The following NRDE2 variants were observed in gnomAD, a reference collection of about 807,000 sequenced individuals.
NRDE2 encodes the protein NRDE-2, necessary for RNA interference, domain containing.
NRDE2 carries 76 observed loss-of-function variants against 124.2 expected under a neutral mutation model. The ratio of observed to expected loss-of-function variants is 0.61; its 90% CI spans 0.51 to 0.74. The LOEUF is 0.74. Among genes scored for constraint, NRDE2 ranks in the 30% least tolerant of loss-of-function variants. The probability of loss-of-function intolerance (pLI) is 0.00; values close to 1 mark genes in which losing one functional copy is unlikely to be tolerated. For missense variants in NRDE2, 1,314 were observed against 1,417.3 expected, an observed-to-expected ratio of 0.93 and a Z score of 1.17; for synonymous variants, 489 against 528.1, an observed-to-expected ratio of 0.93 and a Z score of 1.01.
chr14:90,274,431 G>GAGTT lies in NRDE2; in HGVS notation c.*3901_*3904dup, dbSNP rs1331528990. ...ACAGTGGGAGCCAGGTTTCTCTGAGGAGTTAGACACAGAAAGAAGAAAACA... is the reference window on the plus strand; with the variant it reads ...ACAGTGGGAGCCAGGTTTCTCTGAGGAGTTAGTTAGACACAGAAAGAAGAAAACA... On this transcript the variant is annotated 3_prime_UTR_variant, in exon 14 of 14. Transcript: ENST00000354366. 5 of 153,668 alleles carry GAGTT rather than the reference G, an allele frequency of 3.3e-5. No homozygotes were observed. Among genetic ancestry groups the GAGTT allele is most frequent in the South Asian group, 4.1e-4 (2 of 4,852 alleles). 9.5% of individuals were successfully genotyped at this position (153,668 alleles called of 1,614,324 possible).
In NRDE2 at chr14:90,290,463, C is replaced by G. The variant is rs766972857; in HGVS notation, c.1987G>C (p.Glu663Gln). Residue 663 changes from glutamate to glutamine, a missense_variant, in exon 10 of 14, where the codon GAG becomes CAG. Glu to Gln is a conservative substitution (Grantham distance 29). Transcript: ENST00000354366. ...AGTCCATTATCAAAGATGCTGTTCT[C>G]ATCCATGGCCAGATAAAGACAGGAG... ...PASCLYLAMD[E>Q]NSIFDNGLYD... is the part of the protein sequence containing the mutation. 6.2e-7 allele frequency: 1 copy of G among 1,614,070 alleles called. No individual in the cohort carries two copies. The highest frequency in any genetic ancestry group is 1.7e-5 in the Admixed American group (1 of 60,024).
intron 9 of NRDE2, 66 bp downstream of exon 9, chr14:90,292,631 G>T: frequency 1.3e-6 from 2 of 1,540,680 alleles, no homozygotes; most frequent in Admixed American, 1.8e-5. Flanking sequence ...TAACCAAAGC[G>T]CATGGGAATG....
At chr14:90,284,990 G>A (rs915697885) in intron 12 of NRDE2, among the ~76,000 whole-genome samples, 1 of 151,910 alleles carries the variant, frequency 6.6e-6, no homozygotes, top group East Asian at 2.0e-4. Context: ...TAGAAATGTC[G>A]ATTTTAGGCC....
intron 1 of NRDE2, among the ~76,000 whole-genome samples, chr14:90,326,255 G>A (rs1245390814): frequency 6.6e-6 from 1 of 152,106 alleles, no homozygotes; most frequent in East Asian, 1.9e-4. Flanking sequence ...AGCACTTTGG[G>A]AGGCCGAGGC....
In NRDE2 at chr14:90,287,743, T is replaced by C. The variant is rs190359412; in HGVS notation, c.3158+474A>G. On this transcript the variant is annotated intron_variant, in intron 11 of 13. Coordinates refer to ENST00000354366, the MANE Select transcript of NRDE2 (RefSeq NM_017970.4). ...ACACACTTTGTACCAAGCACTTACC[T>C]CACTGACCCCTCAGAGAGACCCTAT... Among the ~76,000 whole-genome samples, 565 of 152,234 alleles carry C rather than the reference T, an allele frequency of 3.7e-3. 1 individual carries two copies. Among genetic ancestry groups the C allele is most frequent in the Middle Eastern group, 0.017 (5 of 294 alleles).
rs1372475071 is a variant in NRDE2 at position 90,276,499 on chromosome 14, G to GT, written c.*1836dup. On this transcript the variant is annotated 3_prime_UTR_variant, in exon 14 of 14. Coordinates refer to ENST00000354366, the MANE Select transcript of NRDE2 (RefSeq NM_017970.4). The stretch of plus-strand genomic sequence containing the variant: ...CTCCCAAAGTGCTGGGATTACAGAC[G>GT]TGAGCCACCGCGCCTGGCCTCAAAT... 3 of 152,178 alleles carry GT rather than the reference G, an allele frequency of 2.0e-5. No individual in the cohort carries two copies. The highest frequency in any genetic ancestry group is 4.4e-5 in the Non-Finnish European group (3 of 68,068). 9.4% of individuals were successfully genotyped at this position (152,178 alleles called of 1,614,324 possible).
intron 2 of NRDE2, 21 bp downstream of exon 2, chr14:90,317,984 C>T: frequency 1.9e-6 from 3 of 1,595,950 alleles, no homozygotes; most frequent in Non-Finnish European, 2.6e-6. Context: ...AACGAAAACA[C>T]ATCTGTCAAA....
intron 1 of NRDE2, among the ~76,000 whole-genome samples, chr14:90,319,695 T>C (rs1885174833): frequency 6.6e-6 from 1 of 152,238 alleles, no homozygotes; most frequent in Admixed American, 6.5e-5. Flanking sequence ...AATATCTCAT[T>C]TTATGGATTT....
Position 90,272,412 on chromosome 14 carries a change from C to G in NRDE2, c.*5924G>C. 6.5e-7 allele frequency: 1 copy of G among 1,535,804 alleles called. No homozygotes were observed. The highest frequency in any genetic ancestry group is 8.8e-7 in the Non-Finnish European group (1 of 1,135,792). ...CCTGAGGGGCTGTATCTCTAATGAA[C>G]CATGGCTGTCATCAGGAAAATGGTT... On this transcript the variant is annotated 3_prime_UTR_variant, in exon 14 of 14. Coordinates refer to ENST00000354366, the MANE Select transcript of NRDE2 (RefSeq NM_017970.4). The surrounding 1 kb of genome is among the most constrained non-coding windows in gnomAD (Gnocchi z 4.5).
chr14:90,327,178 C>G (rs1043928103), intron 1 of NRDE2, among the ~76,000 whole-genome samples: 7 of 152,144 alleles, frequency 4.6e-5, no homozygotes, highest in Non-Finnish European at 1.0e-4. Context: ...ATGGCCAACT[C>G]CAGGCCACAA....
chr14:90,283,869 G>A (rs1288784260), intron 12 of NRDE2, among the ~76,000 whole-genome samples: 6 of 151,786 alleles, frequency 4.0e-5, no homozygotes, highest in African/African-American at 1.5e-4. Context: ...CTGCTACCAC[G>A]CCCGGCTAAT....
chr14:90,291,199 GA>G (rs1281562174), intron 9 of NRDE2, among the ~76,000 whole-genome samples: 5 of 152,158 alleles, frequency 3.3e-5, no homozygotes, highest in African/African-American at 9.7e-5. Context: ...GTCTACAGCT[GA>G]GTTCATGTAA....
Position 90,269,517 on chromosome 14 carries a change from A to G in NRDE2, c.*8819T>C. 1 of 1,614,020 alleles carries G rather than the reference A, an allele frequency of 6.2e-7. No individual in the cohort carries two copies. The highest frequency in any genetic ancestry group is 8.5e-7 in the Non-Finnish European group (1 of 1,179,986). On this transcript the variant is annotated 3_prime_UTR_variant, in exon 14 of 14. Coordinates refer to ENST00000354366, the MANE Select transcript of NRDE2 (RefSeq NM_017970.4). Reference sequence around the variant, plus strand: ...AAGTTATCATGGCCACAAACCGAATAGAAACTTTGGATCCAGCACTTATCA... The same window carrying G: ...AAGTTATCATGGCCACAAACCGAATGGAAACTTTGGATCCAGCACTTATCA...
chr14:90,271,892 A>AT lies in NRDE2; in HGVS notation c.*6443dup, dbSNP rs58641715. On this transcript the variant is annotated 3_prime_UTR_variant, in exon 14 of 14. Coordinates refer to ENST00000354366, the MANE Select transcript of NRDE2 (RefSeq NM_017970.4). ...TGTCTCATGCTTTATTTCAGAACAGATTTTTTTTTTTTTTTTTTTGAGGTA... is the reference window on the plus strand; with the variant it reads ...TGTCTCATGCTTTATTTCAGAACAGATTTTTTTTTTTTTTTTTTTTGAGGTA... 0.012 allele frequency: 1,727 copies of AT among 140,134 alleles called. 33 individuals are homozygous for AT. The highest frequency in any genetic ancestry group is 0.039 in the African/African-American group (1,454 of 37,192). 8.7% of individuals were successfully genotyped at this position (140,134 alleles called of 1,614,324 possible).
At chr14:90,313,365 A>T (rs1884920956) in intron 3 of NRDE2, among the ~76,000 whole-genome samples, 1 of 151,780 alleles carries the variant, frequency 6.6e-6, no homozygotes, top group Non-Finnish European at 1.5e-5. Context: ...TGACCTCATG[A>T]TCCACCCGCC....
chr14:90,287,428 G>A (rs1270638101), intron 11 of NRDE2, among the ~76,000 whole-genome samples: 1 of 151,898 alleles, frequency 6.6e-6, no homozygotes, highest in Non-Finnish European at 1.5e-5. Flanking sequence ...GACCAGCCTG[G>A]GCACTATGGC....
At chr14:90,331,741 C>G in intron 1 of NRDE2, 100 bp downstream of exon 1, 1 of 1,324,872 alleles carries the variant, frequency 7.5e-7, no homozygotes, top group Non-Finnish European at 1.1e-6. Flanking sequence ...CTCTGGGATA[C>G]AAATGGATAC....
intron 1 of NRDE2, among the ~76,000 whole-genome samples, chr14:90,318,712 T>C (rs758152617): frequency 1.3e-5 from 2 of 152,068 alleles, no homozygotes; most frequent in Non-Finnish European, 2.9e-5. Context: ...AGGCAGGAGA[T>C]TGCTTGAACC....
At position 90,331,920 on chromosome 14, in the gene NRDE2, C is replaced by T. The variant is rs200190088; in HGVS notation, c.-16G>A. The T allele has an allele frequency of 1.2e-6, 2 of 1,613,942 alleles. No homozygotes were observed. The highest frequency in any genetic ancestry group is 1.7e-6 in the Non-Finnish European group (2 of 1,180,040). On this transcript the variant is annotated 5_prime_UTR_variant, in exon 1 of 14. Coordinates refer to ENST00000354366, the MANE Select transcript of NRDE2 (RefSeq NM_017970.4). The stretch of plus-strand genomic sequence containing the variant: ...ACAGCGCCATGACCACAGGCCGTAC[C>T]TCCGTTCTTCTCTATAGGGATGGCG...
Sources: gnomAD v4.1 joint callset for allele counts (sites outside exome capture counted in the v4.1 genomes callset) on GRCh38, gnomAD v4.1.1 for gene constraint, Gnocchi (gnomAD v3.1) non-coding constraint, MANE v1.5 for transcripts, NCBI Gene and HGNC (gene_info 2026-07-23, HGNC 2026-07-21) for gene names.